Variants in SYT1 observed in about 807,000 individuals in gnomAD.
The protein encoded by SYT1 is synaptotagmin 1.
SYT1 carries 8 observed loss-of-function variants against 44.8 expected under a neutral mutation model. The ratio of observed to expected loss-of-function variants is 0.18; its 90% CI spans 0.10 to 0.32. The LOEUF (loss-of-function observed/expected upper bound fraction) is 0.32, where lower values mean the gene tolerates loss of function less well. Among genes scored for constraint, SYT1 ranks in the 10% least tolerant of loss-of-function variants. The pLI, the probability that SYT1 is intolerant of heterozygous loss-of-function variation, is 1.00. For missense variants in SYT1, 286 were observed against 509.3 expected, an observed-to-expected ratio of 0.56 and a Z score of 4.22; for synonymous variants, 154 against 188.8, an observed-to-expected ratio of 0.82 and a Z score of 1.51.
chr12:79,061,174 T>C (rs964889639), intron 3 of SYT1, among the ~76,000 whole-genome samples: 1 of 152,142 alleles, frequency 6.6e-6, no homozygotes, highest in Non-Finnish European at 1.5e-5. Context: ...TATTATGGAA[T>C]ATTCTTGTTC....
intron 3 of SYT1, among the ~76,000 whole-genome samples, chr12:79,192,334 T>C (rs946891568): frequency 6.6e-6 from 1 of 152,142 alleles, no homozygotes; most frequent in African/African-American, 2.4e-5. Context: ...GTTGATATCA[T>C]TAAGACAGTC....
chr12:79,225,181 G>A (rs1054019116), intron 4 of SYT1, among the ~76,000 whole-genome samples: 1 of 151,922 alleles, frequency 6.6e-6, no homozygotes, highest in Admixed American at 6.6e-5. Context: ...GAGAAAGCAG[G>A]TTGTTGCAAT....
At chr12:78,902,850 ACT>A (rs555406977) in intron 1 of SYT1, among the ~76,000 whole-genome samples, 48 of 152,074 alleles carry the variant, frequency 3.2e-4, no homozygotes, top group Admixed American at 1.8e-3. Context: ...GCTGTGAAAG[ACT>A]CTGACACTAT....
chr12:79,060,040 T>C (rs1006120783), intron 3 of SYT1, among the ~76,000 whole-genome samples: 1 of 152,124 alleles, frequency 6.6e-6, no homozygotes, highest in African/African-American at 2.4e-5. Context: ...TCTGATGAAT[T>C]TCTCTTTGCA....
chr12:79,026,670 TATATA>T (rs1565769629), intron 2 of SYT1, among the ~76,000 whole-genome samples: 4 of 30,488 alleles, frequency 1.3e-4, no homozygotes, highest in African/African-American at 6.2e-4. Flanking sequence ...ATATATTTTA[TATATA>T]TATATATATA....
At chr12:79,244,479 G>C (rs1876701514) in intron 4 of SYT1, among the ~76,000 whole-genome samples, 1 of 152,116 alleles carries the variant, frequency 6.6e-6, no homozygotes, top group Admixed American at 6.5e-5. Flanking sequence ...GCCAAGGTGG[G>C]AGGATCACTT....
chr12:79,017,111 T>C (rs893825012), intron 2 of SYT1, among the ~76,000 whole-genome samples: 4 of 152,164 alleles, frequency 2.6e-5, no homozygotes, highest in African/African-American at 9.7e-5. Context: ...CAAAGGTGGC[T>C]TTAAAAAACA....
At chr12:79,142,508 A>G (rs1869622354) in intron 3 of SYT1, among the ~76,000 whole-genome samples, 1 of 152,222 alleles carries the variant, frequency 6.6e-6, no homozygotes, top group African/African-American at 2.4e-5. Flanking sequence ...TTCCATGTGG[A>G]CCAATCATGA....
chr12:79,007,130 C>A (rs189077938), intron 2 of SYT1, among the ~76,000 whole-genome samples: 2 of 152,150 alleles, frequency 1.3e-5, no homozygotes, highest in East Asian at 3.9e-4. Context: ...TGACAGCCAG[C>A]CAGGAGAAAC....
chr12:78,932,411 C>A (rs1047383054), intron 1 of SYT1, among the ~76,000 whole-genome samples: 3 of 152,066 alleles, frequency 2.0e-5, no homozygotes, highest in Non-Finnish European at 4.4e-5. Flanking sequence ...TATTCAGTGC[C>A]AGTTATATTT....
rs374966930 is a variant in SYT1 at position 79,092,522 on chromosome 12, G to A, written c.-18+45160G>A. On this transcript the variant is annotated intron_variant, in intron 3 of 10. Coordinates refer to ENST00000261205, the MANE Select transcript of SYT1 (RefSeq NM_005639.3). ...TAGCTGAAAGAAAAAAAAAATTAAT[G>A]TGGAAAATGAAACATGAAAGAATAA... is the stretch of plus-strand genomic sequence containing the variant. Among the ~76,000 whole-genome samples the A allele has an allele frequency of 5.9e-5, 9 of 151,632 alleles. 1 individual carries two copies. Among genetic ancestry groups the A allele is most frequent in the East Asian group, 3.9e-4 (2 of 5,152 alleles).
At chr12:79,397,165 G>T (rs1884901368) in intron 9 of SYT1, among the ~76,000 whole-genome samples, 1 of 152,150 alleles carries the variant, frequency 6.6e-6, no homozygotes, top group Non-Finnish European at 1.5e-5. Context: ...TGGTGTAGAG[G>T]TTTGGAGGCC....
At chr12:79,055,776 ATTT>A (rs1250868445) in intron 3 of SYT1, among the ~76,000 whole-genome samples, 3 of 152,016 alleles carry the variant, frequency 2.0e-5, no homozygotes, top group African/African-American at 7.2e-5. Flanking sequence ...TTGTTGTTAT[ATTT>A]GTTATTTAAA....
chr12:79,414,052 C>A (rs1202327501), intron 9 of SYT1, among the ~76,000 whole-genome samples: 1 of 152,192 alleles, frequency 6.6e-6, no homozygotes, highest in Non-Finnish European at 1.5e-5. Flanking sequence ...TAACACAGAA[C>A]ACCATGCCCA....
intron 1 of SYT1, among the ~76,000 whole-genome samples, chr12:78,922,206 G>A (rs1260683110): frequency 6.6e-6 from 1 of 151,816 alleles, no homozygotes; most frequent in Non-Finnish European, 1.5e-5. Flanking sequence ...ACTAAGCACA[G>A]GAGACTGTTC....
chr12:78,956,235 A>G (rs1879210566), intron 1 of SYT1, among the ~76,000 whole-genome samples: 1 of 152,102 alleles, frequency 6.6e-6, no homozygotes, highest in South Asian at 2.1e-4. Context: ...CAAAAGTGCA[A>G]TAACAGTCTG....
chr12:78,926,352 A>G (rs531371039), intron 1 of SYT1, among the ~76,000 whole-genome samples: 1 of 152,112 alleles, frequency 6.6e-6, no homozygotes, highest in Non-Finnish European at 1.5e-5. Context: ...TCTTCTGTGC[A>G]TACTTAACTA....
At chr12:79,393,944 CTG>C (rs1884771219) in intron 9 of SYT1, 2 of 152,176 alleles carry the variant, frequency 1.3e-5, no homozygotes, top group African/African-American at 4.8e-5. Flanking sequence ...GAAATGAAGA[CTG>C]AGCAATTTCA....
intron 3 of SYT1, among the ~76,000 whole-genome samples, chr12:79,195,886 A>G (rs1232841546): frequency 2.0e-5 from 3 of 152,182 alleles, no homozygotes; most frequent in Non-Finnish European, 4.4e-5. Context: ...CATTTCAACT[A>G]CTGTATCTAT....
Sources: allele counts gnomAD v4.1 joint callset (sites outside exome capture counted in the v4.1 genomes callset), GRCh38; gene constraint gnomAD v4.1.1; transcripts MANE v1.5; gene names NCBI Gene and HGNC (gene_info 2026-07-23, HGNC 2026-07-21).